NSMAF: variants seen among roughly 807,000 people sequenced by gnomAD.
The protein encoded by NSMAF is neutral sphingomyelinase activation associated factor.
NSMAF carries 90 observed loss-of-function variants against 134.9 expected under a neutral mutation model. That is an observed-to-expected ratio of 0.67 (90% CI 0.56 to 0.79). NSMAF has a LOEUF of 0.79. Among genes scored for constraint, NSMAF ranks in the 30% least tolerant of loss-of-function variants. The pLI is 0.00. For missense variants in NSMAF, 1,010 were observed against 1,119.0 expected (o/e 0.90, Z 1.39); for synonymous variants, 358 against 389.6 (o/e 0.92, Z 0.96).
In NSMAF at chr8:58,623,273, C is replaced by T; in HGVS notation, c.505-1G>A. The T allele has an allele frequency of 6.2e-7, 1 of 1,608,724 alleles. No homozygotes were observed. Among genetic ancestry groups the T allele is most frequent in the Non-Finnish European group, 8.5e-7 (1 of 1,177,232 alleles). ...AACGAGACTGCAAAATAGCTGTTAT[C>T]TATTAAAACAGAACCAGAAAAAAAG... On this transcript the variant is annotated splice_acceptor_variant, in intron 8 of 30. Transcript: ENST00000038176. LOFTEE classifies it high-confidence loss of function.
chr8:58,610,416 G>T (rs1806502113), intron 9 of NSMAF, among the ~76,000 whole-genome samples: 1 of 152,198 alleles, frequency 6.6e-6, no homozygotes, highest in East Asian at 1.9e-4. Context: ...CTCTTTATAA[G>T]TGACAGGACA....
At chr8:58,592,553 G>T (rs1240858120) in intron 23 of NSMAF, among the ~76,000 whole-genome samples, 1 of 60,530 alleles carries the variant, frequency 1.7e-5, no homozygotes, top group Admixed American at 1.9e-4. Context: ...CTAAATATGA[G>T]AAAAACAAAC....
intron 1 of NSMAF, among the ~76,000 whole-genome samples, chr8:58,651,387 C>T (rs1048627562): frequency 1.3e-5 from 2 of 152,124 alleles, no homozygotes; most frequent in African/African-American, 4.8e-5. Flanking sequence ...CTTTTTAGCC[C>T]TTCCCCTCAG....
At position 58,597,478 on chromosome 8, in the gene NSMAF, T is replaced by C; in HGVS notation, c.1701A>G (p.Leu567=). 1 of 1,614,150 alleles carries C rather than the reference T, an allele frequency of 6.2e-7. No homozygotes were observed. The highest frequency in any genetic ancestry group is 1.6e-4 in the Middle Eastern group (1 of 6,062). Residue 567 remains leucine (L), a synonymous_variant, in exon 21 of 31, where the codon CTA becomes CTG. Transcript: ENST00000038176. ...ILEFGQTPKQ[L]FVTPHPRRIT... ...TCCTTCGAGGATGTGGTGTCACAAA[T>C]AGTTGTTTTGGTGTCTGCCCAAATT...
chr8:58,595,291 C>T, intron 22 of NSMAF, among the ~76,000 whole-genome samples: 1 of 152,182 alleles, frequency 6.6e-6, no homozygotes, highest in Non-Finnish European at 1.5e-5. Context: ...ACTGGCTGCT[C>T]TCTGCCGACC....
chr8:58,594,355 T>C lies in NSMAF; in HGVS notation c.1893-65A>G, dbSNP rs553969200. The C allele has an allele frequency of 1.4e-5, 20 of 1,385,170 alleles. No homozygotes were observed. In the Admixed American group the frequency reaches 1.8e-4, roughly 12 times the overall value. The allele number at this position is 1,385,170 out of a possible 1,614,324, so 85.8% of individuals were successfully genotyped here. On this transcript the variant is annotated intron_variant, in intron 22 of 30. Transcript: ENST00000038176. ...GTGTTAGGATACCCTCTTTGTTTCA[T>C]ATCCTTGATTTAATTTTACCAAGTT...
chr8:58,630,510 A>G (rs1807033474), intron 6 of NSMAF, among the ~76,000 whole-genome samples: 1 of 152,002 alleles, frequency 6.6e-6, no homozygotes, highest in Non-Finnish European at 1.5e-5. Context: ...GTGGTTCTCA[A>G]CTTGGGGGTA....
intron 6 of NSMAF, among the ~76,000 whole-genome samples, chr8:58,624,034 G>T (rs1806854723): frequency 9.3e-6 from 1 of 107,398 alleles, no homozygotes; most frequent in African/African-American, 3.3e-5. Context: ...ATAGAGTTAG[G>T]ATTTTTTTTT....
intron 6 of NSMAF, among the ~76,000 whole-genome samples, chr8:58,627,129 T>C (rs1016352088): frequency 6.6e-6 from 1 of 152,228 alleles, no homozygotes; most frequent in Admixed American, 6.5e-5. Context: ...GGATGTGTGG[T>C]TTGCGAAAAT....
In NSMAF at chr8:58,585,730, A is replaced by G; in HGVS notation, c.2581T>C (p.Ser861Pro). 6.2e-7 allele frequency: 1 copy of G among 1,614,202 alleles called. No individual in the cohort carries two copies. ...AGCAGTTCACCAGACTGACTGCCAGATAAAACGGAATTTCCATCCCAGACA... is the reference window on the plus strand; with the variant it reads ...AGCAGTTCACCAGACTGACTGCCAGGTAAAACGGAATTTCCATCCCAGACA... ...CFVWDGNSVL[S>P]GSQSGELLVW... The change falls in exon 30 of 31, where the codon TCT (serine) becomes CCT (proline). Residue 861 changes from serine to proline, a missense_variant. Transcript: ENST00000038176.
chr8:58,604,211 C>G (rs1028728948), intron 12 of NSMAF, among the ~76,000 whole-genome samples: 13 of 152,232 alleles, frequency 8.5e-5, no homozygotes, highest in African/African-American at 3.1e-4. Context: ...AAACACACTT[C>G]CCCCTCGTTT....
In NSMAF at chr8:58,607,701, G is replaced by A. The variant is rs76812722; in HGVS notation, c.759+68C>T. 5.8e-3 allele frequency: 6,970 copies of A among 1,208,754 alleles called. 25 individuals are homozygous for A. The highest frequency in any genetic ancestry group is 6.5e-3 in the Non-Finnish European group (5,317 of 811,838). The allele number at this position is 1,208,754 out of a possible 1,614,324, so 74.9% of individuals were successfully genotyped here. Reference sequence around the variant, plus strand: ...TTCAGACATCCCATAAGTGTTTACCGTCAATAAACTGCTGGCTAAACTGAA... The same window carrying A: ...TTCAGACATCCCATAAGTGTTTACCATCAATAAACTGCTGGCTAAACTGAA... On this transcript the variant is annotated intron_variant, in intron 11 of 30. Coordinates refer to ENST00000038176, the MANE Select transcript of NSMAF (RefSeq NM_003580.4).
At chr8:58,601,642 C>T in intron 14 of NSMAF, 107 bp from the exon 15 acceptor site, 3 of 1,368,326 alleles carry the variant, frequency 2.2e-6, no homozygotes, top group Non-Finnish European at 2.9e-6. Flanking sequence ...ATACCATATT[C>T]CTTAATTTCT....
chr8:58,598,903 G>A (rs1334213085), intron 19 of NSMAF, among the ~76,000 whole-genome samples: 1 of 151,936 alleles, frequency 6.6e-6, no homozygotes, highest in Admixed American at 6.5e-5. Flanking sequence ...GCAGGTGCCT[G>A]TAATCCCAGC....
chr8:58,616,939 T>C (rs898169428), intron 9 of NSMAF, among the ~76,000 whole-genome samples: 2 of 152,246 alleles, frequency 1.3e-5, no homozygotes, highest in South Asian at 2.1e-4. Context: ...TAACAAATAG[T>C]TGGAAAATAA....
intron 9 of NSMAF, among the ~76,000 whole-genome samples, chr8:58,615,993 C>T (rs796803960): frequency 3.9e-5 from 6 of 152,226 alleles, no homozygotes; most frequent in African/African-American, 1.4e-4. Context: ...ACAGATGCTG[C>T]TGGCATTAAA....
At chr8:58,646,345 G>GT (rs1480619861) in intron 1 of NSMAF, among the ~76,000 whole-genome samples, 1 of 152,182 alleles carries the variant, frequency 6.6e-6, no homozygotes, top group Non-Finnish European at 1.5e-5. Flanking sequence ...GAAGAATAGA[G>GT]TAAGTATTCT....
intron 26 of NSMAF, 32 bp downstream of exon 26, chr8:58,589,420 A>C (rs1805974767): frequency 7.0e-7 from 1 of 1,424,146 alleles, no homozygotes; most frequent in African/African-American, 1.5e-5. Flanking sequence ...TAGCACACCA[A>C]GTTAAAAAAA....
chr8:58,659,400 C>T (rs1311840428), intron 1 of NSMAF, 173 bp downstream of exon 1: 1 of 1,514,936 alleles, frequency 6.6e-7, no homozygotes, highest in Non-Finnish European at 8.8e-7. Context: ...GGCCTCTCAC[C>T]CCGACCTCAG....
Sources: gnomAD v4.1 joint callset for allele counts (sites outside exome capture counted in the v4.1 genomes callset) on GRCh38, gnomAD v4.1.1 for gene constraint, MANE v1.5 for transcripts, NCBI Gene and HGNC (gene_info 2026-07-23, HGNC 2026-07-21) for gene names.